ACO1: variants seen among roughly 807,000 people sequenced by gnomAD.
The protein encoded by ACO1 is cytoplasmic aconitate hydratase.
In ACO1, 78 loss-of-function variants were observed where a neutral mutation model predicts 105.1. That is an observed-to-expected ratio of 0.74 (90% CI 0.62 to 0.90). The LOEUF (loss-of-function observed/expected upper bound fraction) is 0.90. Ranked by LOEUF, ACO1 falls within the 40% of genes least tolerant of loss-of-function variation. The pLI is 0.00. For synonymous variants in ACO1, 364 were observed against 397.4 expected (o/e 0.92, Z 1.00); for missense variants, 965 against 1,111.1 (o/e 0.87, Z 1.87).
intron 15 of ACO1, among the ~76,000 whole-genome samples, chr9:32,432,473 G>A (rs1822261065): frequency 6.6e-6 from 1 of 152,180 alleles, no homozygotes; most frequent in Non-Finnish European, 1.5e-5. Flanking sequence ...ATGTAGGTGT[G>A]ATGTTCACAC....
intron 1 of ACO1, among the ~76,000 whole-genome samples, chr9:32,395,336 C>T (rs1187490084): frequency 5.3e-5 from 8 of 152,078 alleles, no homozygotes; most frequent in Admixed American, 3.9e-4. Flanking sequence ...ATTAGCCAGG[C>T]GTGGTGGTGG....
intron 1 of ACO1, among the ~76,000 whole-genome samples, chr9:32,389,704 G>A (rs1821226960): frequency 1.4e-5 from 2 of 147,556 alleles, no homozygotes; most frequent in African/African-American, 5.0e-5. Flanking sequence ...TATTTTTAAT[G>A]GAAAATCTCA....
intron 15 of ACO1, 142 bp from the exon 16 acceptor site, chr9:32,433,586 T>A (rs777372432): frequency 1.1e-4 from 70 of 625,954 alleles, no homozygotes; most frequent in Non-Finnish European, 1.3e-4. Context: ...ACTATTAGTA[T>A]AAAGGAACTC....
At chr9:32,443,977 G>A (rs971109126) in intron 19 of ACO1, among the ~76,000 whole-genome samples, 3 of 151,994 alleles carry the variant, frequency 2.0e-5, no homozygotes, top group East Asian at 1.9e-4. Context: ...CCTAGCCCCT[G>A]ACCCGCCAAC....
intron 1 of ACO1, among the ~76,000 whole-genome samples, chr9:32,397,420 G>C (rs1341884596): frequency 6.6e-6 from 1 of 152,164 alleles, no homozygotes; most frequent in Non-Finnish European, 1.5e-5. Flanking sequence ...TTTCCCAGAT[G>C]CATCCCCATC....
chr9:32,417,991 A>G (rs1478995500), intron 4 of ACO1, 137 bp from the exon 5 acceptor site: 4 of 727,586 alleles, frequency 5.5e-6, no homozygotes, highest in Non-Finnish European at 9.2e-6. Flanking sequence ...TGCATTGTAA[A>G]TAGTCATGAA....
rs1587552426 is a variant in ACO1, at chr9:32,439,543, T to C, written c.2248-922T>C. ...GAGATGATATCATGTCTTTGTAAAG[T>C]CTCAGTTCAGTGAGATATTCAGATT... On this transcript the variant is annotated intron_variant, in intron 18 of 20. Transcript: ENST00000309951. The surrounding 1 kb of genome is among the most constrained non-coding windows in gnomAD (Gnocchi z 4.0). 6.6e-6 allele frequency among the ~76,000 whole-genome samples: 1 copy of C among 152,214 alleles called. No homozygotes were observed. Among genetic ancestry groups the C allele is most frequent in the East Asian group, 1.9e-4 (1 of 5,200 alleles).
At chr9:32,399,892 T>G (rs1821451657) in intron 1 of ACO1, among the ~76,000 whole-genome samples, 1 of 151,936 alleles carries the variant, frequency 6.6e-6, no homozygotes, top group Non-Finnish European at 1.5e-5. Flanking sequence ...GATTTTATTT[T>G]GTTCTTTTTG....
intron 20 of ACO1, 73 bp downstream of exon 20, chr9:32,449,154 G>C: frequency 6.9e-7 from 1 of 1,457,018 alleles, no homozygotes; most frequent in South Asian, 1.4e-5. Flanking sequence ...TTGTTAGAAG[G>C]AAATTAGTGA....
At position 32,430,549 on chromosome 9, in the gene ACO1, A is replaced by G. The variant is rs760565742; in HGVS notation, c.1701A>G (p.Arg567=). The change falls in exon 14 of 21, where the codon AGA becomes AGG. Residue 567 remains arginine (R), a synonymous_variant. Transcript: ENST00000309951. ...VIAYAIAGTI[R]IDFEKEPLGV... ...CATATGCAATTGCTGGAACCATCAG[A>G]ATCGACTTTGAGAAAGAGCCATTGG... 10 of 1,606,892 alleles carry G rather than the reference A, an allele frequency of 6.2e-6. No homozygotes were observed. The highest frequency in any genetic ancestry group is 7.6e-6 in the Non-Finnish European group (9 of 1,177,130).
Position 32,450,005 on chromosome 9 carries a change from C to G in ACO1, c.2564C>G (p.Thr855Ser), listed in dbSNP as rs1392094269. The G allele has an allele frequency of 2.5e-6, 4 of 1,613,668 alleles. No homozygotes were observed. In the African/African-American group the frequency reaches 4.0e-5, roughly 16 times the overall value. The change falls in exon 21 of 21, where the codon ACT (threonine) becomes AGT (serine). Residue 855 changes from threonine to serine, a missense_variant. Physicochemically the swap from Thr to Ser is moderately conservative, Grantham distance 58 (BLOSUM62 1). Transcript: ENST00000309951. ...TGTTTCTTTGTGCCACAGCTGGATACTGGCAAGACCTTCCAGGCTGTCATG... is the reference window on the plus strand; with the variant it reads ...TGTTTCTTTGTGCCACAGCTGGATAGTGGCAAGACCTTCCAGGCTGTCATG... The part of the protein sequence containing the change: ...PQMKVQVKLD[T>S]GKTFQAVMRF...
At chr9:32,394,476 T>C (rs751973724) in intron 1 of ACO1, among the ~76,000 whole-genome samples, 1 of 152,194 alleles carries the variant, frequency 6.6e-6, no homozygotes, top group Non-Finnish European at 1.5e-5. Flanking sequence ...TCCCTTCCCA[T>C]AGACAACATA....
chr9:32,416,329 G>A (rs1004188167), intron 4 of ACO1, among the ~76,000 whole-genome samples: 2 of 152,120 alleles, frequency 1.3e-5, no homozygotes, highest in East Asian at 1.9e-4. Context: ...TCCTGACCTC[G>A]TGATCTGCCC....
chr9:32,430,389 T>C (rs2118510912), intron 13 of ACO1, 29 bp from the exon 14 acceptor site: 1 of 1,597,018 alleles, frequency 6.3e-7, no homozygotes, highest in Middle Eastern at 1.7e-4. Context: ...TATCTTTTAG[T>C]GACCTGATTT....
chr9:32,417,872 CTTCAA>C (rs1265498591), intron 4 of ACO1, among the ~76,000 whole-genome samples: 1 of 152,180 alleles, frequency 6.6e-6, no homozygotes, highest in African/African-American at 2.4e-5. Context: ...TTAGTTTTAA[CTTCAA>C]TTCAGTTCAT....
Position 32,454,689 on chromosome 9 carries a change from A to G in ACO1, c.*4578A>G, listed in dbSNP as rs555356498. ...GCCTACCTGCTCATTTCTTTCATTC[A>G]ATACATATTAACCAAGTGCCTACTT... On this transcript the variant is annotated 3_prime_UTR_variant, in exon 21 of 21. Transcript: ENST00000309951. 6.6e-6 allele frequency: 1 copy of G among 152,320 alleles called. No individual in the cohort carries two copies. Among genetic ancestry groups the G allele is most frequent in the African/African-American group, 2.4e-5 (1 of 41,566 alleles). The allele number at this position is 152,320 out of a possible 1,614,324, so 9.4% of individuals were successfully genotyped here.
At chr9:32,429,288 C>T in intron 12 of ACO1, 131 bp from the exon 13 acceptor site, 1 of 670,066 alleles carries the variant, frequency 1.5e-6, no homozygotes, top group South Asian at 1.9e-5. Context: ...TTAGAAATAG[C>T]ACTATACTGA....
At chr9:32,402,189 CT>C (rs1000487608) in intron 1 of ACO1, among the ~76,000 whole-genome samples, 20 of 150,118 alleles carry the variant, frequency 1.3e-4, no homozygotes, top group Middle Eastern at 3.5e-3. Flanking sequence ...TTCCTTCCTT[CT>C]TTTTTTTTTC....
chr9:32,406,759 T>A (rs1425741994), intron 2 of ACO1, among the ~76,000 whole-genome samples: 1 of 152,260 alleles, frequency 6.6e-6, no homozygotes, highest in African/African-American at 2.4e-5. Context: ...TATTTTGGCC[T>A]TGTGTGTAGT....
Sources: gnomAD v4.1 joint callset for allele counts (sites outside exome capture counted in the v4.1 genomes callset) on GRCh38, gnomAD v4.1.1 for gene constraint, Gnocchi (gnomAD v3.1) non-coding constraint, MANE v1.5 for transcripts, NCBI Gene and HGNC (gene_info 2026-07-23, HGNC 2026-07-21) for gene names.